Variants in NSMCE2 observed in about 807,000 individuals in gnomAD.
NSMCE2 encodes the protein NSE2 SUMO ligase component of SMC5/6 complex.
NSMCE2 carries 24 observed loss-of-function variants against 23.8 expected under a neutral mutation model. The ratio of observed to expected loss-of-function variants is 1.01; its 90% confidence interval spans 0.73 to 1.42. The LOEUF is 1.42. NSMCE2 is among the 40% of genes most tolerant of loss of function. The pLI is 0.00. For missense variants in NSMCE2, 284 were observed against 296.5 expected (o/e 0.96, Z 0.31); for synonymous variants, 92 against 94.1 (o/e 0.98, Z 0.13).
At chr8:125,285,083 A>G (rs1446497236) in intron 5 of NSMCE2, among the ~76,000 whole-genome samples, 1 of 152,226 alleles carries the variant, frequency 6.6e-6, no homozygotes, top group African/African-American at 2.4e-5. Flanking sequence ...GCTGTAGTAC[A>G]AAGTATCAGT....
chr8:125,294,840 T>C (rs1828260559), intron 5 of NSMCE2, among the ~76,000 whole-genome samples: 1 of 152,220 alleles, frequency 6.6e-6, no homozygotes, highest in South Asian at 2.1e-4. Flanking sequence ...TATGTGACAT[T>C]TACTGGATAA....
chr8:125,231,943 ATAAAT>A (rs1304883631), intron 5 of NSMCE2, among the ~76,000 whole-genome samples: 1 of 152,230 alleles, frequency 6.6e-6, no homozygotes, highest in Non-Finnish European at 1.5e-5. Flanking sequence ...TACTGAATAA[ATAAAT>A]TAATTAATGA....
chr8:125,235,059 A>G (rs189372536), intron 5 of NSMCE2, among the ~76,000 whole-genome samples: 9 of 152,044 alleles, frequency 5.9e-5, no homozygotes, highest in Admixed American at 5.2e-4. Flanking sequence ...CAGCCTGGCC[A>G]ACATGGTGAA....
intron 4 of NSMCE2, among the ~76,000 whole-genome samples, chr8:125,166,351 C>T (rs542887422): frequency 3.3e-5 from 5 of 152,284 alleles, no homozygotes; most frequent in African/African-American, 1.2e-4. Context: ...ACTGCAACCT[C>T]TGCCTCCCAG....
chr8:125,278,164 G>A (rs533996712), intron 5 of NSMCE2, among the ~76,000 whole-genome samples: 18 of 152,186 alleles, frequency 1.2e-4, no homozygotes, highest in African/African-American at 4.1e-4. Flanking sequence ...GGAAGCATGG[G>A]TATTTTACAT....
intron 3 of NSMCE2, among the ~76,000 whole-genome samples, chr8:125,116,410 A>G (rs1819008545): frequency 6.6e-6 from 1 of 152,154 alleles, no homozygotes; most frequent in Non-Finnish European, 1.5e-5. Flanking sequence ...TGTTAAAAAA[A>G]TTATTATTAT....
rs565648755 is a variant in NSMCE2 at position 125,155,959 on chromosome 8, T to C, written c.264+4682T>C. ...CCAACAAGTTCAGAGATTACTGTCA[T>C]ATATATTTAGCAATTGATGATAAAA... On this transcript the variant is annotated intron_variant, in intron 4 of 7. Transcript: ENST00000287437. 90 of 453,838 alleles carry C rather than the reference T, an allele frequency of 2.0e-4. 1 individual carries two copies. Among genetic ancestry groups the C allele is most frequent in the South Asian group, 1.1e-3 (74 of 64,422 alleles). The allele number at this position is 453,838 out of a possible 1,614,324, so 28.1% of individuals were successfully genotyped here.
chr8:125,209,431 A>G (rs1241302177), intron 5 of NSMCE2, among the ~76,000 whole-genome samples: 1 of 152,124 alleles, frequency 6.6e-6, no homozygotes. Context: ...TGCTTTTCAT[A>G]CTTTCTGTTT....
intron 5 of NSMCE2, among the ~76,000 whole-genome samples, chr8:125,279,970 ATGTTTTTTATTTGTCATTTTT>A (rs1352782469): frequency 6.6e-6 from 1 of 152,156 alleles, no homozygotes; most frequent in Non-Finnish European, 1.5e-5. Context: ...AACAATGTGC[ATGTTTTTTATTTGTCATTTTT>A]TGTTTTCCTT....
intron 5 of NSMCE2, among the ~76,000 whole-genome samples, chr8:125,216,560 G>T (rs1824593015): frequency 9.2e-5 from 14 of 152,040 alleles, no homozygotes; most frequent in Admixed American, 9.2e-4. Context: ...CTTGAACCTG[G>T]GAGGCGGAGG....
chr8:125,114,900 C>A (rs1414743486), intron 3 of NSMCE2, among the ~76,000 whole-genome samples: 3 of 152,088 alleles, frequency 2.0e-5, no homozygotes, highest in African/African-American at 7.2e-5. Flanking sequence ...ATACTTGGAC[C>A]TTTATTGCTC....
Position 125,268,278 on chromosome 8 carries a change from GT to G in NSMCE2, c.418+86024del, listed in dbSNP as rs371432421. 4.7e-3 allele frequency among the ~76,000 whole-genome samples: 716 copies of G among 152,094 alleles called. 6 individuals are homozygous for G. Among genetic ancestry groups the G allele is most frequent in the African/African-American group, 0.015 (635 of 41,508 alleles). ...TATTTTTTGAGAAGGTCAACATTTG[GT>G]TAGTGAAATTAGAAAGGAAAGGAAA... On this transcript the variant is annotated intron_variant, in intron 5 of 7. Coordinates refer to ENST00000287437, the MANE Select transcript of NSMCE2 (RefSeq NM_173685.4).
chr8:125,258,446 C>T, intron 5 of NSMCE2, among the ~76,000 whole-genome samples: 1 of 151,986 alleles, frequency 6.6e-6, no homozygotes, highest in East Asian at 1.9e-4. Context: ...CACCCCTATC[C>T]CATTCACCCC....
At chr8:125,276,122 AG>A (rs972457489) in intron 5 of NSMCE2, among the ~76,000 whole-genome samples, 1 of 152,234 alleles carries the variant, frequency 6.6e-6, no homozygotes, top group Non-Finnish European at 1.5e-5. Context: ...TTACAAAGAC[AG>A]GATACTCAAT....
Position 125,323,896 on chromosome 8 carries a change from T to C in NSMCE2, c.419-33323T>C, listed in dbSNP as rs550173347. ...CAGTCTGGGAAATGTTATTTTCAAATCACAAATCTGATAAAGGGCCTGAAT... is the reference window on the plus strand; with the variant it reads ...CAGTCTGGGAAATGTTATTTTCAAACCACAAATCTGATAAAGGGCCTGAAT... On this transcript the variant is annotated intron_variant, in intron 5 of 7. Transcript: ENST00000287437. Among the ~76,000 whole-genome samples the C allele has an allele frequency of 1.4e-4, 22 of 152,242 alleles. No homozygotes were observed. In the South Asian group the frequency reaches 1.5e-3, roughly 10 times the overall value.
At chr8:125,264,478 C>T (rs2131060954) in intron 5 of NSMCE2, among the ~76,000 whole-genome samples, 1 of 152,268 alleles carries the variant, frequency 6.6e-6, no homozygotes. Context: ...GCGAGCTCGG[C>T]TTACTGCAGT....
intron 5 of NSMCE2, among the ~76,000 whole-genome samples, chr8:125,310,331 A>G (rs1828930865): frequency 6.6e-6 from 1 of 152,110 alleles, no homozygotes; most frequent in Admixed American, 6.5e-5. Context: ...GTTTTTTTTA[A>G]TCCCTGAAAT....
At chr8:125,332,510 G>A (rs1012180915) in intron 5 of NSMCE2, among the ~76,000 whole-genome samples, 4 of 152,196 alleles carry the variant, frequency 2.6e-5, no homozygotes, top group Non-Finnish European at 5.9e-5. Flanking sequence ...AATAGTTAGC[G>A]TAGAAGCTGG....
chr8:125,292,328 G>A (rs899832421), intron 5 of NSMCE2, among the ~76,000 whole-genome samples: 18 of 152,120 alleles, frequency 1.2e-4, no homozygotes, highest in African/African-American at 4.3e-4. Context: ...GCCAAGGTGG[G>A]TGGATCACTT....
Sources: allele counts gnomAD v4.1 joint callset (sites outside exome capture counted in the v4.1 genomes callset), GRCh38; gene constraint gnomAD v4.1.1; transcripts MANE v1.5; gene names NCBI Gene and HGNC (gene_info 2026-07-23, HGNC 2026-07-21).